PHF13: variants seen among roughly 807,000 people sequenced by gnomAD.
PHF13 encodes PHD finger protein 13, also known as PHD zinc finger protein PHF5.
Under a neutral mutation model 25.8 loss-of-function variants are expected in PHF13, and 1 was observed. The observed-to-expected ratio is 0.04, with a 90% CI of 0.01 to 0.18. PHF13 has a LOEUF of 0.18. Ranked by LOEUF, PHF13 falls within the 10% of genes least tolerant of loss-of-function variation. The probability of loss-of-function intolerance (pLI) is 1.00; values close to 1 mark genes in which losing one functional copy is unlikely to be tolerated. For missense variants in PHF13, 306 were observed against 403.2 expected (o/e 0.76, Z 2.06); for synonymous variants, 195 against 162.4 (o/e 1.20, Z -1.53).
chr1:6,620,665 T>C (rs1447340852), intron 3 of PHF13, among the ~76,000 whole-genome samples: 1 of 152,024 alleles, frequency 6.6e-6, no homozygotes, highest in African/African-American at 2.4e-5. Flanking sequence ...GCAGGTGGAT[T>C]GCTTGAGCTC....
chr1:6,614,138 AC>A (rs1641215144), intron 1 of PHF13, 33 bp downstream of exon 1: 1 of 1,516,776 alleles, frequency 6.6e-7, no homozygotes, highest in African/African-American at 1.5e-5. Context: ...ATCGCCCCCG[AC>A]CACCCCCTCC....
At chr1:6,614,137 G>T (rs1191948292) in intron 1 of PHF13, 32 bp downstream of exon 1, 1 of 1,499,182 alleles carries the variant, frequency 6.7e-7, no homozygotes, top group African/African-American at 1.7e-5. Flanking sequence ...AATCGCCCCC[G>T]ACCACCCCCT....
Position 6,621,682 on chromosome 1 carries a change from C to G in PHF13, c.*45C>G. 6.9e-6 allele frequency: 11 copies of G among 1,594,430 alleles called. No individual in the cohort carries two copies. Among genetic ancestry groups the G allele is most frequent in the Non-Finnish European group, 9.4e-6 (11 of 1,164,342 alleles). On this transcript the variant is annotated 3_prime_UTR_variant, in exon 4 of 4. Transcript: ENST00000377648. This position sits in a 1 kb window ranked among gnomAD's most constrained non-coding sequence, Gnocchi z 4.8. ...CTGCGAGCGTGGAATCGGAAGCGACCGCGGGCTTTTTTGCCCTTCTCTTAG... is the reference window on the plus strand; with the variant it reads ...CTGCGAGCGTGGAATCGGAAGCGACGGCGGGCTTTTTTGCCCTTCTCTTAG...
rs143591225 is a variant in PHF13 at position 6,616,622 on chromosome 1, T to TA, written c.40-135_40-134insA. 768 of 716,346 alleles carry TA rather than the reference T, an allele frequency of 1.1e-3. 5 individuals carry two copies. In the African/African-American group the frequency reaches 0.012, roughly 11 times the overall value. The allele number at this position is 716,346 out of a possible 1,614,324, so 44.4% of individuals were successfully genotyped here. A position where few individuals can be genotyped will look rare whatever the true frequency, so the allele number is the denominator to read the frequency against. ...CTTGACCTGAACTTACCGTATCTTGTTTGTGGACTGTGTAAATCTAACGGT... is the reference window on the plus strand; with the variant it reads ...CTTGACCTGAACTTACCGTATCTTGTATTGTGGACTGTGTAAATCTAACGGT... On this transcript the variant is annotated intron_variant, in intron 1 of 3. Transcript: ENST00000377648.
chr1:6,622,236 G>T lies in PHF13; in HGVS notation c.*599G>T, dbSNP rs1028402243. On this transcript the variant is annotated 3_prime_UTR_variant, in exon 4 of 4. Coordinates refer to ENST00000377648, the MANE Select transcript of PHF13 (RefSeq NM_153812.3). ...GGGCGCTGGGCTGGCGGGTCAGCTG[G>T]TGGTTCTTAGGTTTCCTTCTGTTTG... 6.2e-6 allele frequency: 1 copy of T among 161,448 alleles called. No homozygotes were observed. The highest frequency in any genetic ancestry group is 1.4e-5 in the Non-Finnish European group (1 of 72,344). The allele number at this position is 161,448 out of a possible 1,614,324, so 10.0% of individuals were successfully genotyped here.
At chr1:6,616,379 A>T (rs1473248342) in intron 1 of PHF13, among the ~76,000 whole-genome samples, 1 of 152,212 alleles carries the variant, frequency 6.6e-6, no homozygotes, top group Admixed American at 6.5e-5. Context: ...CTGCTGCTGC[A>T]GCAGTTCATA....
rs564689596 is a variant in PHF13, at chr1:6,619,658, C to G, written c.142-145C>G. ...CCAGCCAGAACTCATGTTACTGTTG[C>G]TTCAAGTGTGATGCTGATGGGCAGA... On this transcript the variant is annotated intron_variant, in intron 2 of 3. Coordinates refer to ENST00000377648, the MANE Select transcript of PHF13 (RefSeq NM_153812.3). 5.8e-6 allele frequency: 5 copies of G among 855,782 alleles called. No individual in the cohort carries two copies. The East Asian group carries it at 1.2e-4, about 21-fold the overall frequency. The allele number at this position is 855,782 out of a possible 1,614,324, so 53.0% of individuals were successfully genotyped here. A position where few individuals can be genotyped will look rare whatever the true frequency, so the allele number is the denominator to read the frequency against.
chr1:6,621,704 T>G lies in PHF13; in HGVS notation c.*67T>G. On this transcript the variant is annotated 3_prime_UTR_variant, in exon 4 of 4. Transcript: ENST00000377648. The surrounding 1 kb of genome is among the most constrained non-coding windows in gnomAD (Gnocchi z 4.8). ...GACCGCGGGCTTTTTTGCCCTTCTC[T>G]TAGTTGAGCACAGAACCCTCAGCTC... 2 of 1,495,064 alleles carry G rather than the reference T, an allele frequency of 1.3e-6. No homozygotes were observed. Among genetic ancestry groups the G allele is most frequent in the South Asian group, 1.1e-5 (1 of 87,544 alleles). 92.6% of individuals were successfully genotyped at this position (1,495,064 alleles called of 1,614,324 possible).
In PHF13 at chr1:6,621,319, T is replaced by A. The variant is rs1641336529; in HGVS notation, c.677-92T>A. On this transcript the variant is annotated intron_variant, in intron 3 of 3. Coordinates refer to ENST00000377648, the MANE Select transcript of PHF13 (RefSeq NM_153812.3). This position sits in a 1 kb window ranked among gnomAD's most constrained non-coding sequence, Gnocchi z 4.8. ...CGAGTGGCAGTTGGAAGTGTTCTCGTCAGTAGAGTTAATGGGTTTCATGGA... is the reference window on the plus strand; with the variant it reads ...CGAGTGGCAGTTGGAAGTGTTCTCGACAGTAGAGTTAATGGGTTTCATGGA... 1 of 1,354,658 alleles carries A rather than the reference T, an allele frequency of 7.4e-7. No homozygotes were observed. Among genetic ancestry groups the A allele is most frequent in the African/African-American group, 1.4e-5 (1 of 69,394 alleles). The allele number at this position is 1,354,658 out of a possible 1,614,324, so 83.9% of individuals were successfully genotyped here.
chr1:6,622,008 G>A lies in PHF13; in HGVS notation c.*371G>A. 3.0e-6 allele frequency: 1 copy of A among 333,660 alleles called. No homozygotes were observed. Among genetic ancestry groups the A allele is most frequent in the Non-Finnish European group, 5.8e-6 (1 of 172,446 alleles). The allele number at this position is 333,660 out of a possible 1,614,324, so 20.7% of individuals were successfully genotyped here. On this transcript the variant is annotated 3_prime_UTR_variant, in exon 4 of 4. Transcript: ENST00000377648. ...GCTGTTATTCTGCTTCCACTGTGTT[G>A]GGGAGAGGTGTTCGGTTTCCCCAGC... is the stretch of plus-strand genomic sequence containing the variant.
Position 6,616,611 on chromosome 1 carries a change from A to C in PHF13, c.40-146A>C. On this transcript the variant is annotated intron_variant, in intron 1 of 3. Transcript: ENST00000377648. The stretch of plus-strand genomic sequence containing the variant: ...TAGTGTTATTTCTTGACCTGAACTT[A>C]CCGTATCTTGTTTGTGGACTGTGTA... The C allele has an allele frequency of 6.0e-6, 4 of 665,116 alleles. No homozygotes were observed. In the South Asian group the frequency reaches 7.0e-5, roughly 12 times the overall value. 41.2% of individuals were successfully genotyped at this position (665,116 alleles called of 1,614,324 possible). A position where few individuals can be genotyped will look rare whatever the true frequency, so the allele number is the denominator to read the frequency against.
At position 6,622,037 on chromosome 1, in the gene PHF13, T is replaced by C; in HGVS notation, c.*400T>C. The C allele has an allele frequency of 3.4e-6, 1 of 293,204 alleles. No homozygotes were observed. Among genetic ancestry groups the C allele is most frequent in the Non-Finnish European group, 6.7e-6 (1 of 149,458 alleles). 18.2% of individuals were successfully genotyped at this position (293,204 alleles called of 1,614,324 possible). On this transcript the variant is annotated 3_prime_UTR_variant, in exon 4 of 4. Transcript: ENST00000377648. ...AGAGGTGTTCGGTTTCCCCAGCCTGTTAATGAACAGCCATACGTGTAAGCT... is the reference window on the plus strand; with the variant it reads ...AGAGGTGTTCGGTTTCCCCAGCCTGCTAATGAACAGCCATACGTGTAAGCT...
Position 6,619,965 on chromosome 1 carries a change from A to G in PHF13, c.304A>G (p.Lys102Glu). Residue 102 changes from lysine (K) to glutamate (E), a missense_variant, in exon 3 of 4, where the codon AAG becomes GAG. Physicochemically the swap from Lys to Glu is moderately conservative, Grantham distance 56. Coordinates refer to ENST00000377648, the MANE Select transcript of PHF13 (RefSeq NM_153812.3). ...HLQPTLLQRAKPSNFLLDRKK... is the reference protein window; with the variant it reads ...HLQPTLLQRAEPSNFLLDRKK... ...GCAGCCTACTCTCTTGCAGCGAGCCAAGCCCAGTAACTTCCTGCTGGACAG... is the reference window on the plus strand; with the variant it reads ...GCAGCCTACTCTCTTGCAGCGAGCCGAGCCCAGTAACTTCCTGCTGGACAG... The G allele has an allele frequency of 6.2e-7, 1 of 1,613,904 alleles. No homozygotes were observed. Among genetic ancestry groups the G allele is most frequent in the Non-Finnish European group, 8.5e-7 (1 of 1,179,994 alleles).
chr1:6,616,968 G>T, intron 2 of PHF13, 110 bp downstream of exon 2: 1 of 843,930 alleles, frequency 1.2e-6, no homozygotes, highest in South Asian at 1.4e-5. Context: ...TTTGGAAGGG[G>T]CTGCTTGTGG....
At chr1:6,614,965 C>G (rs1441274239) in intron 1 of PHF13, among the ~76,000 whole-genome samples, 1 of 151,604 alleles carries the variant, frequency 6.6e-6, no homozygotes, top group South Asian at 2.1e-4. Flanking sequence ...CGGGGGTTCG[C>G]AGGGCCTCCC....
chr1:6,614,240 G>A (rs1403621487), intron 1 of PHF13, 135 bp downstream of exon 1: 6 of 671,454 alleles, frequency 8.9e-6, no homozygotes, highest in Non-Finnish European at 1.5e-5. Flanking sequence ...GCCCCCCCGG[G>A]AGCCCAACCC....
rs372375933 is a variant in PHF13, at chr1:6,615,239, C to G, written c.39+1134C>G. ...GAGGCCGTCGCCGCCCTCCACTTGGCATTCGGGTTTTTGACCCACTTCTGC... is the reference window on the plus strand; with the variant it reads ...GAGGCCGTCGCCGCCCTCCACTTGGGATTCGGGTTTTTGACCCACTTCTGC... On this transcript the variant is annotated intron_variant, in intron 1 of 3. Coordinates refer to ENST00000377648, the MANE Select transcript of PHF13 (RefSeq NM_153812.3). 3.7e-4 allele frequency among the ~76,000 whole-genome samples: 56 copies of G among 152,200 alleles called. No individual in the cohort carries two copies. In the East Asian group the frequency reaches 9.5e-3, roughly 26 times the overall value.
chr1:6,613,867 G>A lies in PHF13; in HGVS notation c.-200G>A, dbSNP rs1641208130. 2.0e-6 allele frequency: 1 copy of A among 491,760 alleles called. No individual in the cohort carries two copies. Among genetic ancestry groups the A allele is most frequent in the Non-Finnish European group, 3.6e-6 (1 of 279,874 alleles). The allele number at this position is 491,760 out of a possible 1,614,324, so 30.5% of individuals were successfully genotyped here. On this transcript the variant is annotated 5_prime_UTR_variant, in exon 1 of 4. Transcript: ENST00000377648. ...CCGCGGGAGCTGCATCGTCCACTCC[G>A]GTCGGCGGTGGAACCGCCAGTCCGG...
intron 1 of PHF13, among the ~76,000 whole-genome samples, chr1:6,614,985 G>T (rs970119210): frequency 5.3e-5 from 8 of 150,958 alleles, no homozygotes; most frequent in Admixed American, 5.3e-4. Context: ...CCAGGCCTGG[G>T]ACCCCGGAAT....
Sources: allele counts gnomAD v4.1 joint callset (sites outside exome capture counted in the v4.1 genomes callset), GRCh38; gene constraint gnomAD v4.1.1; non-coding constraint Gnocchi (gnomAD v3.1); transcripts MANE v1.5; gene names NCBI Gene and HGNC (gene_info 2026-07-23, HGNC 2026-07-21).